The following CDH3 variants were observed in gnomAD, a reference collection of about 807,000 sequenced individuals.
CDH3 encodes cadherin 3.
Under a neutral mutation model 82.0 loss-of-function variants are expected in CDH3, and 54 were observed. That is an observed-to-expected ratio of 0.66 (90% CI 0.53 to 0.83). CDH3 has a LOEUF of 0.83. Among genes scored for constraint, CDH3 ranks in the 40% least tolerant of loss-of-function variants. The pLI is 0.00. For missense variants in CDH3, 1,054 were observed against 1,084.6 expected, an observed-to-expected ratio of 0.97 and a Z score of 0.40; for synonymous variants, 446 against 437.9, an observed-to-expected ratio of 1.02 and a Z score of -0.23.
chr16:68,730,482 C>T (rs1962272014), downstream of CDH3, among the ~76,000 whole-genome samples: 2 of 151,734 alleles, frequency 1.3e-5, no homozygotes, highest in South Asian at 2.1e-4. Flanking sequence ...GCCGAGATCA[C>T]GTCATTGCAC....
chr16:68,732,613 T>C, the CDH3 span, among the ~76,000 whole-genome samples: 3 of 152,216 alleles, frequency 2.0e-5, no homozygotes, highest in East Asian at 1.9e-4. Flanking sequence ...GAAATTCCAC[T>C]GTTAGCGCTG....
intron 1 of CDH3, among the ~76,000 whole-genome samples, chr16:68,705,544 C>T (rs1374587095): frequency 6.6e-6 from 1 of 151,924 alleles, no homozygotes; most frequent in African/African-American, 2.4e-5. Flanking sequence ...GCCTCAGCCT[C>T]CCGAGTAGCT....
chr16:68,720,795 A>G (rs1257573639), intron 1 of CDH3, among the ~76,000 whole-genome samples: 1 of 151,846 alleles, frequency 6.6e-6, no homozygotes, highest in African/African-American at 2.4e-5. Flanking sequence ...TAATTTTTGT[A>G]TTATTAGTAG....
In CDH3 at chr16:68,691,852, A is replaced by G. The variant is rs1961586823; in HGVS notation, c.1928A>G (p.His643Arg). The change falls in exon 13 of 16, where the codon CAT becomes CGT. Residue 643 changes from histidine to arginine, a missense_variant. Physicochemically the swap from His to Arg is conservative, Grantham distance 29. Coordinates refer to ENST00000264012, the MANE Select transcript of CDH3 (RefSeq NM_001793.6). ...GCCACTGTGTGCGACTGCCATGGCC[A>G]TGTCGAAACCTGCCCTGGACCCTGG... ...IRATVCDCHG[H>R]VETCPGPWKG... The G allele has an allele frequency of 4.3e-6, 7 of 1,614,008 alleles. No homozygotes were observed. Among genetic ancestry groups the G allele is most frequent in the South Asian group, 2.2e-5 (2 of 91,082 alleles).
intron 15 of CDH3, chr16:68,696,495 G>C (rs1961724664): frequency 1.1e-5 from 2 of 189,992 alleles, no homozygotes; most frequent in Non-Finnish European, 2.2e-5. Flanking sequence ...AGAGGCCAAG[G>C]TGGGCAGATC....
At chr16:68,689,322 A>T (rs1202747640) in intron 12 of CDH3, among the ~76,000 whole-genome samples, 1 of 152,062 alleles carries the variant, frequency 6.6e-6, no homozygotes, top group East Asian at 1.9e-4. Context: ...TCACGAGGTC[A>T]AGAGGTCAAG....
chr16:68,700,541 C>T (rs538770491), downstream of CDH3, among the ~76,000 whole-genome samples: 14 of 152,318 alleles, frequency 9.2e-5, no homozygotes, highest in South Asian at 2.1e-3. Context: ...CCATGGCTCA[C>T]GCCTGTAATT....
intron 1 of CDH3, among the ~76,000 whole-genome samples, chr16:68,709,574 T>C (rs994113878): frequency 2.0e-5 from 3 of 152,138 alleles, no homozygotes; most frequent in Admixed American, 6.6e-5. Flanking sequence ...TTCTACTACC[T>C]AAGCCTCCCA....
chr16:68,659,304 C>T (rs1286935027), intron 2 of CDH3, among the ~76,000 whole-genome samples: 1 of 152,094 alleles, frequency 6.6e-6, no homozygotes, highest in African/African-American at 2.4e-5. Context: ...TATGGTGGCT[C>T]ACAACTGTAA....
chr16:68,715,788 G>C (rs955025850), intron 1 of CDH3, among the ~76,000 whole-genome samples: 2 of 152,208 alleles, frequency 1.3e-5, no homozygotes, highest in Admixed American at 6.6e-5. Context: ...CACAGTACCA[G>C]GCCTGCTGCC....
At chr16:68,704,302 G>A (rs1465062384), downstream of CDH3, among the ~76,000 whole-genome samples, 9 of 150,600 alleles carry the variant, frequency 6.0e-5, no homozygotes, top group Non-Finnish European at 1.0e-4. Context: ...AAAAAAAAAA[G>A]GGTTAATATC....
At chr16:68,658,029 A>G (rs1361731362) in intron 2 of CDH3, among the ~76,000 whole-genome samples, 1 of 150,488 alleles carries the variant, frequency 6.6e-6, no homozygotes, top group Non-Finnish European at 1.5e-5. Flanking sequence ...TGGGGACCAC[A>G]GGTATTCCCC....
chr16:68,724,846 C>G (rs2152111642), intron 2 of CDH3, among the ~76,000 whole-genome samples: 1 of 152,176 alleles, frequency 6.6e-6, no homozygotes, highest in Non-Finnish European at 1.5e-5. Context: ...TCAGAGAGCC[C>G]TTTGTCTCCA....
intron 2 of CDH3, among the ~76,000 whole-genome samples, chr16:68,666,361 A>C (rs1960732965): frequency 6.6e-6 from 1 of 152,086 alleles, no homozygotes; most frequent in Admixed American, 6.6e-5. Flanking sequence ...AGGCCTGGAC[A>C]CCCAATAGGT....
chr16:68,710,123 G>A (rs572159834), intron 1 of CDH3, among the ~76,000 whole-genome samples: 19 of 152,368 alleles, frequency 1.2e-4, no homozygotes, highest in South Asian at 8.3e-4. Flanking sequence ...GCGGGAAGGA[G>A]GGGAAGTGGC....
the CDH3 span, among the ~76,000 whole-genome samples, chr16:68,732,504 G>A: frequency 2.0e-5 from 3 of 152,318 alleles, no homozygotes; most frequent in Admixed American, 1.3e-4. Flanking sequence ...CCCATCATGC[G>A]GGGTCTGTTA....
the CDH3 span, among the ~76,000 whole-genome samples, chr16:68,733,282 C>G: frequency 6.6e-6 from 1 of 152,122 alleles, no homozygotes; most frequent in African/African-American, 2.4e-5. Flanking sequence ...CCATGTCCAG[C>G]TAATTCAAAA....
At chr16:68,704,635 C>T (rs1414150866), downstream of CDH3, among the ~76,000 whole-genome samples, 1 of 152,258 alleles carries the variant, frequency 6.6e-6, no homozygotes, top group African/African-American at 2.4e-5. Context: ...TGCCACATGC[C>T]ACACAGGGAG....
chr16:68,667,726 C>T (rs1306403869), intron 2 of CDH3, among the ~76,000 whole-genome samples: 2 of 152,154 alleles, frequency 1.3e-5, no homozygotes. Flanking sequence ...AGGGACCAAA[C>T]TCTTCTTGCC....
Sources: allele counts gnomAD v4.1 joint callset (sites outside exome capture counted in the v4.1 genomes callset), GRCh38; gene constraint gnomAD v4.1.1; transcripts MANE v1.5; gene names NCBI Gene and HGNC (gene_info 2026-07-23, HGNC 2026-07-21).